The following DEAF1 variants were observed in gnomAD, a reference collection of about 807,000 sequenced individuals.
DEAF1 encodes the protein deformed epidermal autoregulatory factor 1 homolog.
DEAF1 carries 53 observed loss-of-function variants against 58.9 expected under a neutral mutation model. The observed-to-expected ratio is 0.90, with a 90% confidence interval of 0.72 to 1.13. The LOEUF (loss-of-function observed/expected upper bound fraction) is 1.13, where lower values mean the gene tolerates loss of function less well. DEAF1 is among the 50% of genes most tolerant of loss of function. The pLI is 0.00. For synonymous variants in DEAF1, 385 were observed against 340.4 expected (o/e 1.13, Z -1.44); for missense variants, 685 against 791.4 (o/e 0.87, Z 1.61).
intron 1 of DEAF1, chr11:700,653 G>T: frequency 6.2e-7 from 1 of 1,614,034 alleles, no homozygotes; most frequent in Non-Finnish European, 8.5e-7. Flanking sequence ...CCTGGTCCTC[G>T]ATCTTGCTCT....
chr11:674,428 G>T, intron 10 of DEAF1, 108 bp downstream of exon 10: 1 of 1,468,588 alleles, frequency 6.8e-7, no homozygotes, highest in Non-Finnish European at 9.5e-7. Context: ...GAAAGGTGGG[G>T]CAGGGGCCTT....
chr11:645,318 G>GT (rs1006946631), intron 11 of DEAF1, among the ~76,000 whole-genome samples: 12 of 152,162 alleles, frequency 7.9e-5, no homozygotes, highest in African/African-American at 2.4e-4. Flanking sequence ...TTCTGTGGGG[G>GT]TTTTTTTGTT....
At chr11:686,313 CA>C in intron 5 of DEAF1, among the ~76,000 whole-genome samples, 1 of 143,472 alleles carries the variant, frequency 7.0e-6, no homozygotes, top group South Asian at 2.2e-4. Context: ...AAAAAAACCA[CA>C]AAAACAGTAA....
intron 1 of DEAF1, chr11:705,101 C>G (rs1861655488): frequency 4.8e-6 from 1 of 208,094 alleles, no homozygotes; most frequent in Non-Finnish European, 9.9e-6. Context: ...TGCCAGCCCT[C>G]CACCGAGCTC....
At chr11:684,431 G>A (rs937138358) in intron 6 of DEAF1, among the ~76,000 whole-genome samples, 1 of 151,298 alleles carries the variant, frequency 6.6e-6, no homozygotes, top group Non-Finnish European at 1.5e-5. Context: ...AAAAAAAAAA[G>A]AAAGAAAAAT....
chr11:673,717 T>C (rs1057072225), intron 10 of DEAF1, among the ~76,000 whole-genome samples: 5 of 152,178 alleles, frequency 3.3e-5, no homozygotes, highest in Non-Finnish European at 7.3e-5. Context: ...CCATCTGTGC[T>C]GAGCAGACAG....
chr11:667,795 G>A (rs1249860982), intron 10 of DEAF1, among the ~76,000 whole-genome samples: 3 of 151,390 alleles, frequency 2.0e-5, no homozygotes, highest in Admixed American at 1.3e-4. Flanking sequence ...GTGACAGAGT[G>A]AGACTTTGTC....
At chr11:678,555 C>T in intron 9 of DEAF1, 139 bp downstream of exon 9, 5 of 1,269,580 alleles carry the variant, frequency 3.9e-6, no homozygotes, top group East Asian at 2.4e-5. Flanking sequence ...GTGGGCCACA[C>T]TTTACCAGCC....
intron 6 of DEAF1, among the ~76,000 whole-genome samples, chr11:682,599 C>A (rs1178846877): frequency 6.6e-6 from 1 of 152,208 alleles, no homozygotes; most frequent in Non-Finnish European, 1.5e-5. Flanking sequence ...TGAGCCCCTA[C>A]TATAGACCTA....
intron 10 of DEAF1, chr11:674,115 G>A (rs536697774): frequency 2.2e-4 from 62 of 286,278 alleles, no homozygotes; most frequent in Admixed American, 1.4e-3. Flanking sequence ...GCAGATGGAC[G>A]GAGCTCGGCT....
At chr11:692,407 C>T (rs1860874205) in intron 1 of DEAF1, 1 of 155,354 alleles carries the variant, frequency 6.4e-6, no homozygotes, top group Admixed American at 6.3e-5. Context: ...CTGTGATGCT[C>T]CTAGGCCAAG....
intron 11 of DEAF1, among the ~76,000 whole-genome samples, chr11:650,021 T>TA (rs1554935159): frequency 5.4e-5 from 8 of 146,988 alleles, no homozygotes; most frequent in Admixed American, 2.8e-4. Flanking sequence ...TGAGATTGTC[T>TA]AAAAAACAAA....
intron 11 of DEAF1, among the ~76,000 whole-genome samples, chr11:646,005 C>G (rs543201692): frequency 6.6e-6 from 1 of 152,218 alleles, no homozygotes; most frequent in Admixed American, 6.5e-5. Context: ...GTAATCCCAT[C>G]ATGTTGGGAG....
chr11:691,864 CGCCACCCCA>C (rs1860849404), intron 1 of DEAF1, among the ~76,000 whole-genome samples: 1 of 152,156 alleles, frequency 6.6e-6, no homozygotes, highest in African/African-American at 2.4e-5. Flanking sequence ...ACAACAAACC[CGCCACCCCA>C]GCCAGCCCCA....
chr11:660,357 C>T (rs1859267283), intron 10 of DEAF1, among the ~76,000 whole-genome samples: 1 of 152,236 alleles, frequency 6.6e-6, no homozygotes, highest in Non-Finnish European at 1.5e-5. Flanking sequence ...CCTGTCCCCG[C>T]CCCTGCCCCA....
In DEAF1 at chr11:674,546, T is replaced by A. The variant is rs576805766; in HGVS notation, c.1493A>T (p.Glu498Val). The change falls in exon 10 of 12, where the codon GAG becomes GTG. Residue 498 changes from glutamate (E) to valine (V), a missense_variant. Coordinates refer to ENST00000382409, the MANE Select transcript of DEAF1 (RefSeq NM_021008.4). ...TTGTTCCAAGGTTACCTCCTTCCGC[T>A]CTGCGTCAGCGTGGATCTTGGCCTG... Reference protein sequence around the residue: ...TNQAKIHADAERKEQSCVNCG... With the variant: ...TNQAKIHADAVRKEQSCVNCG... The A allele has an allele frequency of 6.2e-7, 1 of 1,614,074 alleles. No homozygotes were observed. Among genetic ancestry groups the A allele is most frequent in the Non-Finnish European group, 8.5e-7 (1 of 1,180,014 alleles).
intron 10 of DEAF1, among the ~76,000 whole-genome samples, chr11:671,025 T>C (rs1230737868): frequency 2.1e-5 from 3 of 144,764 alleles, no homozygotes; most frequent in Admixed American, 7.2e-5. Context: ...ACCTCCCGGG[T>C]TCACGCCATT....
chr11:678,861 T>G (rs982958850), intron 8 of DEAF1, 39 bp from the exon 9 acceptor site: 1 of 1,611,684 alleles, frequency 6.2e-7, no homozygotes, highest in African/African-American at 1.3e-5. Context: ...TCGGGATGGT[T>G]GTCCGCACAG....
chr11:684,771 G>A lies in DEAF1; in HGVS notation c.870+127C>T. The A allele has an allele frequency of 3.7e-6, 3 of 809,100 alleles. 1 individual carries two copies. In the South Asian group the frequency reaches 4.4e-5, roughly 12 times the overall value. 50.1% of individuals were successfully genotyped at this position (809,100 alleles called of 1,614,324 possible). A position where few individuals can be genotyped will look rare whatever the true frequency, so the allele number is the denominator to read the frequency against. On this transcript the variant is annotated intron_variant, in intron 6 of 11. Coordinates refer to ENST00000382409, the MANE Select transcript of DEAF1 (RefSeq NM_021008.4). ...GGGAACAGAGCAACCCAGGAGAAGT[G>A]AGGACAGTGTCTCTCTCCAAGGCAG...
Sources: gnomAD v4.1 joint callset for allele counts (sites outside exome capture counted in the v4.1 genomes callset) on GRCh38, gnomAD v4.1.1 for gene constraint, MANE v1.5 for transcripts, NCBI Gene and HGNC (gene_info 2026-07-23, HGNC 2026-07-21) for gene names.